The following SREK1 variants were observed in gnomAD, a reference collection of about 807,000 sequenced individuals.
The protein encoded by SREK1 is splicing regulatory glutamine/lysine-rich protein 1.
SREK1 carries 13 observed loss-of-function variants against 66.5 expected under a neutral mutation model. That is an observed-to-expected ratio of 0.20 (90% CI 0.13 to 0.31). The LOEUF (loss-of-function observed/expected upper bound fraction) is 0.31. SREK1 is among the 10% of genes least tolerant of loss of function. SREK1 has a pLI of 1.00. For missense variants in SREK1, 607 were observed against 769.6 expected (o/e 0.79, Z 2.50); for synonymous variants, 265 against 263.5 (o/e 1.01, Z -0.05).
chr5:66,161,208 ACT>A, intron 3 of SREK1, among the ~76,000 whole-genome samples: 1 of 152,284 alleles, frequency 6.6e-6, no homozygotes, highest in South Asian at 2.1e-4. Flanking sequence ...TCATACTCAT[ACT>A]CATCTGTGTT....
rs748411605 is a variant in SREK1, at chr5:66,178,872, C to T, written c.*4C>T. The T allele has an allele frequency of 4.5e-5, 72 of 1,605,936 alleles. No homozygotes were observed. Among genetic ancestry groups the T allele is most frequent in the Admixed American group, 3.5e-4 (21 of 59,392 alleles). ...TACCAAAACAGAAGCAGTATAGGAC[C>T]GACAAGTGTACCTCTGCACTCAATG... is the stretch of plus-strand genomic sequence containing the variant. On this transcript the variant is annotated 3_prime_UTR_variant, in exon 12 of 12. Transcript: ENST00000334121.
intron 9 of SREK1, among the ~76,000 whole-genome samples, chr5:66,172,823 AATTT>A: frequency 7.2e-6 from 1 of 139,672 alleles, no homozygotes; most frequent in Non-Finnish European, 1.5e-5. Context: ...AATTTCTTTG[AATTT>A]TTTTTTTTTT....
intron 2 of SREK1, chr5:66,158,743 A>G (rs1554075791): frequency 2.5e-6 from 3 of 1,217,084 alleles, no homozygotes; most frequent in Non-Finnish European, 3.2e-6. Context: ...GTTATTTGCC[A>G]TTTCTGGGGA....
chr5:66,174,660 A>G lies in SREK1; in HGVS notation c.1485-286A>G, dbSNP rs528996369. The G allele has an allele frequency of 1.3e-5, 3 of 227,546 alleles. No homozygotes were observed. The South Asian group carries it at 4.0e-4, about 30-fold the overall frequency. 14.1% of individuals were successfully genotyped at this position (227,546 alleles called of 1,614,324 possible). ...ACGCCACGCCATTAATATTTTTTCT[A>G]CTGAAGAAATTGTTCAAATAAACGA... On this transcript the variant is annotated intron_variant, in intron 9 of 11. Transcript: ENST00000334121.
At chr5:66,146,958 C>T (rs560625564) in intron 1 of SREK1, among the ~76,000 whole-genome samples, 89 of 152,034 alleles carry the variant, frequency 5.9e-4, no homozygotes, top group African/African-American at 2.1e-3. Context: ...GTGGTGTGCA[C>T]CTATAGTCCT....
intron 5 of SREK1, chr5:66,163,508 A>T (rs902668349): frequency 1.7e-4 from 42 of 241,214 alleles, no homozygotes; most frequent in Middle Eastern, 1.4e-3. Flanking sequence ...ATTTATTTTA[A>T]TTCTAAGCTA....
Position 66,164,910 on chromosome 5 carries a change from G to A in SREK1, c.1001+13G>A. 3 of 1,593,386 alleles carry A rather than the reference G, an allele frequency of 1.9e-6. No homozygotes were observed. Among genetic ancestry groups the A allele is most frequent in the Non-Finnish European group, 2.6e-6 (3 of 1,169,372 alleles). On this transcript the variant is annotated intron_variant, in intron 7 of 11. Coordinates refer to ENST00000334121, the MANE Select transcript of SREK1 (RefSeq NM_001077199.3). ...AATCAAAACACAGGTGAGAATTTCT[G>A]CTGTCATATTTAAATTTTATTTTAG...
chr5:66,158,643 G>A, intron 2 of SREK1: 2 of 389,306 alleles, frequency 5.1e-6, no homozygotes, highest in South Asian at 5.0e-5. Context: ...ATCACAAATA[G>A]GTAGTTTCAG....
chr5:66,153,802 A>G, intron 2 of SREK1: 1 of 544,900 alleles, frequency 1.8e-6, no homozygotes, highest in Non-Finnish European at 3.0e-6. Context: ...TTACAATTTA[A>G]CATTCATTGG....
intron 7 of SREK1, chr5:66,167,536 TTTAG>T (rs1417707302): frequency 1.3e-5 from 2 of 152,184 alleles, no homozygotes; most frequent in Non-Finnish European, 2.9e-5. Flanking sequence ...ATGATAAATC[TTTAG>T]TTAGATTAGA....
chr5:66,170,859 GAGAT>G lies in SREK1; in HGVS notation c.1401_1404del (p.Ile467MetfsTer48). On this transcript the variant is annotated frameshift_variant, in exon 9 of 12. Transcript: ENST00000334121. LOFTEE classifies it high-confidence loss of function. ...GGAACGAGAAAAAGACAGATCCAAA[GAGAT>G]AGATGAAAAAAGAAAGAAGGATAAA... is the stretch of plus-strand genomic sequence containing the variant. 6.2e-7 allele frequency: 1 copy of G among 1,613,656 alleles called. No homozygotes were observed. The highest frequency in any genetic ancestry group is 8.5e-7 in the Non-Finnish European group (1 of 1,179,924).
intron 7 of SREK1, chr5:66,168,744 G>C (rs1745376760): frequency 1.3e-5 from 2 of 152,158 alleles, no homozygotes; most frequent in African/African-American, 4.8e-5. Context: ...ATGAGTTTTA[G>C]CTGTATAAAG....
chr5:66,157,047 A>G (rs1744347101), intron 2 of SREK1: 3 of 984,320 alleles, frequency 3.0e-6, no homozygotes, highest in East Asian at 1.1e-4. Context: ...AAATTAAGCA[A>G]TGGAGCTTTT....
rs973437111 is a variant in SREK1 at position 66,183,386 on chromosome 5, G to A, written c.*4518G>A. 2 of 152,138 alleles carry A rather than the reference G, an allele frequency of 1.3e-5. No individual in the cohort carries two copies. Among genetic ancestry groups the A allele is most frequent in the East Asian group, 3.8e-4 (2 of 5,202 alleles). 9.4% of individuals were successfully genotyped at this position (152,138 alleles called of 1,614,324 possible). ...TAAGTATGAAATTTGAGTATACTGTGTAGCTGTGTAGATCAACTTAATGCT... is the reference window on the plus strand; with the variant it reads ...TAAGTATGAAATTTGAGTATACTGTATAGCTGTGTAGATCAACTTAATGCT... On this transcript the variant is annotated 3_prime_UTR_variant, in exon 12 of 12. Transcript: ENST00000334121.
chr5:66,156,928 C>T (rs1366975246), intron 2 of SREK1: 2 of 984,962 alleles, frequency 2.0e-6, no homozygotes, highest in South Asian at 4.7e-5. Flanking sequence ...ATGTTTTCCT[C>T]AGTTGACTTT....
At position 66,164,784 on chromosome 5, in the gene SREK1, G is replaced by A. The variant is rs1745038428; in HGVS notation, c.888G>A (p.Glu296=). Residue 296 remains glutamate, a splice_region_variant and synonymous_variant, in exon 7 of 12, where the codon GAG becomes GAA. Coordinates refer to ENST00000334121, the MANE Select transcript of SREK1 (RefSeq NM_001077199.3). ...TGCAAAGTGATTTTTTCCTCCCAGA[G>A]TCTGGAAAGAGCAATGAAAGAAAAG... ...QSFISAAIEP[E]SGKSNERKGG... The A allele has an allele frequency of 6.2e-7, 1 of 1,613,878 alleles. No homozygotes were observed. The highest frequency in any genetic ancestry group is 8.5e-7 in the Non-Finnish European group (1 of 1,179,914).
chr5:66,171,676 G>T (rs1279649139), intron 9 of SREK1, among the ~76,000 whole-genome samples: 1 of 152,086 alleles, frequency 6.6e-6, no homozygotes, highest in East Asian at 1.9e-4. Flanking sequence ...GATTTTTAAA[G>T]ATGGTTTTTT....
At chr5:66,153,384 TAAG>T (rs1324044811) in intron 1 of SREK1, 76 bp from the exon 2 acceptor site, 1 of 1,546,574 alleles carries the variant, frequency 6.5e-7, no homozygotes, top group African/African-American at 1.4e-5. Context: ...ATGTAAAGGT[TAAG>T]AAAGAAATTT....
rs747146807 is a variant in SREK1 at position 66,153,639 on chromosome 5, T to A, written c.295+43T>A. 5.6e-6 allele frequency: 9 copies of A among 1,612,950 alleles called. No individual in the cohort carries two copies. In the South Asian group the frequency reaches 9.9e-5, roughly 18 times the overall value. On this transcript the variant is annotated intron_variant, in intron 2 of 11. Coordinates refer to ENST00000334121, the MANE Select transcript of SREK1 (RefSeq NM_001077199.3). ...TTTCCTCTTATTTGAATTTCTGTCCTGTCTGTTATTGCCTTTAGCTTTCCT... is the reference window on the plus strand; with the variant it reads ...TTTCCTCTTATTTGAATTTCTGTCCAGTCTGTTATTGCCTTTAGCTTTCCT...
Sources: gnomAD v4.1 joint callset for allele counts (sites outside exome capture counted in the v4.1 genomes callset) on GRCh38, gnomAD v4.1.1 for gene constraint, MANE v1.5 for transcripts, NCBI Gene and HGNC (gene_info 2026-07-23, HGNC 2026-07-21) for gene names.